The following ATP7B variants were observed in gnomAD, a reference collection of about 807,000 sequenced individuals.
ATP7B encodes the protein ATPase copper transporting beta.
In ATP7B, 113 loss-of-function variants were observed where a neutral mutation model predicts 118.9. The observed-to-expected ratio is 0.95, with a 90% CI of 0.82 to 1.11. The LOEUF (loss-of-function observed/expected upper bound fraction) is 1.11, where lower values mean the gene tolerates loss of function less well. ATP7B is among the 50% of genes most tolerant of loss of function. The pLI is 0.00. For missense variants in ATP7B, 1,867 were observed against 1,871.4 expected, an observed-to-expected ratio of 1.00 and a Z score of 0.04; for synonymous variants, 777 against 727.4, an observed-to-expected ratio of 1.07 and a Z score of -1.10.
chr13:52,011,553 T>A (rs1297650630), upstream of ATP7B: 19 of 643,272 alleles, frequency 3.0e-5, no homozygotes, highest in Non-Finnish European at 5.3e-5. Context: ...TGATTCAAAG[T>A]TGCGCGCCGC....
At chr13:51,972,119 C>G (rs1951871342) in intron 2 of ATP7B, among the ~76,000 whole-genome samples, 2 of 152,160 alleles carry the variant, frequency 1.3e-5, no homozygotes. Flanking sequence ...TCCTTATCTT[C>G]AGCATTTCTC....
Position 51,942,371 on chromosome 13 carries a change from A to T in ATP7B, c.3412+15T>A, listed in dbSNP as rs565888819. 1.2e-6 allele frequency: 2 copies of T among 1,613,880 alleles called. No individual in the cohort carries two copies. Among genetic ancestry groups the T allele is most frequent in the Non-Finnish European group, 1.7e-6 (2 of 1,180,026 alleles). ...TCTACTTTTAACCAGCTGCAGAGAC[A>T]AAAGCCAGCAATACCTTTTTCTGCG... On this transcript the variant is annotated intron_variant, in intron 15 of 20. Transcript: ENST00000242839.
chr13:51,941,494 C>T (rs965810455), intron 15 of ATP7B, among the ~76,000 whole-genome samples: 3 of 152,224 alleles, frequency 2.0e-5, no homozygotes, highest in Non-Finnish European at 4.4e-5. Flanking sequence ...AGGCAATGTC[C>T]GTCTTTGTCT....
chr13:51,995,429 C>T (rs1953156733), intron 1 of ATP7B: 2 of 772,002 alleles, frequency 2.6e-6, no homozygotes, highest in South Asian at 5.9e-5. Flanking sequence ...ATGCCTAACC[C>T]CAGGGCTCTT....
intron 5 of ATP7B, among the ~76,000 whole-genome samples, chr13:51,962,776 G>A (rs1958833847): frequency 1.3e-5 from 2 of 152,158 alleles, no homozygotes; most frequent in South Asian, 4.1e-4. Flanking sequence ...GGGTAGCATA[G>A]AAGCAAGTGA....
chr13:51,965,382 G>C (rs760696361), intron 4 of ATP7B, among the ~76,000 whole-genome samples: 10 of 152,166 alleles, frequency 6.6e-5, no homozygotes, highest in African/African-American at 2.4e-4. Flanking sequence ...ACTAATGCCT[G>C]TACGGGGTTG....
chr13:51,935,098 G>C, intron 20 of ATP7B, 69 bp from the exon 21 acceptor site: 1 of 1,574,662 alleles, frequency 6.4e-7, no homozygotes, highest in Non-Finnish European at 8.6e-7. Flanking sequence ...TCTAAGCCTG[G>C]TGAAGGCCTC....
intron 1 of ATP7B, among the ~76,000 whole-genome samples, chr13:51,979,569 T>C (rs1218649916): frequency 1.3e-5 from 2 of 152,152 alleles, no homozygotes; most frequent in Non-Finnish European, 2.9e-5. Flanking sequence ...CTTCTTTAAT[T>C]AAAAAAGAAC....
chr13:51,997,093 C>G (rs1039681839), intron 1 of ATP7B, among the ~76,000 whole-genome samples: 1 of 152,212 alleles, frequency 6.6e-6, no homozygotes, highest in Admixed American at 6.5e-5. Context: ...TGATTGCTTT[C>G]TAGTGATTCT....
At chr13:51,975,635 A>C in intron 1 of ATP7B, 1 of 478,652 alleles carries the variant, frequency 2.1e-6, no homozygotes, top group Admixed American at 2.2e-5. Context: ...AAACCCCAGA[A>C]TAGTCAACAC....
intron 15 of ATP7B, 128 bp from the exon 16 acceptor site, chr13:51,941,352 C>A: frequency 1.8e-6 from 2 of 1,092,086 alleles, no homozygotes; most frequent in South Asian, 1.4e-5. Context: ...GTAAGCACCT[C>A]TTGTGACAGC....
intron 5 of ATP7B, among the ~76,000 whole-genome samples, chr13:51,963,083 AC>A (rs1434550204): frequency 6.6e-6 from 1 of 151,606 alleles, no homozygotes; most frequent in African/African-American, 2.4e-5. Flanking sequence ...CAAGAGCAAA[AC>A]ACCAACTCAA....
At chr13:51,948,140 G>C (rs4943047) in intron 12 of ATP7B, among the ~76,000 whole-genome samples, 2,516 of 152,342 alleles carry the variant, frequency 0.017, 74 homozygotes, top group Admixed American at 0.085. Context: ...TTCAATTTAA[G>C]ATGGGAAATT....
At chr13:51,945,600 T>A (rs1220551890) in intron 13 of ATP7B, among the ~76,000 whole-genome samples, 5 of 152,180 alleles carry the variant, frequency 3.3e-5, no homozygotes, top group East Asian at 3.9e-4. Flanking sequence ...TGTTCAAGTG[T>A]CCCCAGGACG....
At position 51,950,379 on chromosome 13, in the gene ATP7B, T is replaced by C. The variant is rs757089599; in HGVS notation, c.2468A>G (p.Glu823Gly). The C allele has an allele frequency of 1.9e-6, 3 of 1,613,960 alleles. No homozygotes were observed. In the East Asian group the frequency reaches 6.7e-5, roughly 36 times the overall value. The change falls in exon 10 of 21, where the codon GAG becomes GGG. Residue 823 changes from glutamate (E) to glycine (G), a missense_variant. Coordinates refer to ENST00000242839, the MANE Select transcript of ATP7B (RefSeq NM_000053.4). Reference protein sequence around the residue: ...LIIREEQVPMELVQRGDIVKV... With the variant: ...LIIREEQVPMGLVQRGDIVKV... ...GACGATATCGCCCCGCTGCACCAGC[T>C]CCATGGGGACTTGCTCCTCCCTGCA... is the stretch of plus-strand genomic sequence containing the variant.
Position 51,933,447 on chromosome 13 carries a change from G to T in ATP7B, c.*1309C>A, listed in dbSNP as rs1956800895. 6.6e-6 allele frequency: 1 copy of T among 152,228 alleles called. No homozygotes were observed. Among genetic ancestry groups the T allele is most frequent in the South Asian group, 2.1e-4 (1 of 4,836 alleles). The allele number at this position is 152,228 out of a possible 1,614,324, so 9.4% of individuals were successfully genotyped here. On this transcript the variant is annotated 3_prime_UTR_variant, in exon 21 of 21. Coordinates refer to ENST00000242839, the MANE Select transcript of ATP7B (RefSeq NM_000053.4). The stretch of plus-strand genomic sequence containing the variant: ...TGAAAAAAATCACTAAAACTATTTT[G>T]TGTGGGAGAAAAGGGTTTCACCCAG...
chr13:52,011,408 A>G lies in ATP7B; in HGVS notation c.-71T>C, dbSNP rs1034102637. 3 of 1,608,354 alleles carry G rather than the reference A, an allele frequency of 1.9e-6. No individual in the cohort carries two copies. In the South Asian group the frequency reaches 3.3e-5, roughly 18 times the overall value. On this transcript the variant is annotated 5_prime_UTR_variant, in exon 1 of 21. Coordinates refer to ENST00000242839, the MANE Select transcript of ATP7B (RefSeq NM_000053.4). ...AAAGGTCACCTGGTCGGTGGAGGAG[A>G]GCGGGGTGTTAAAGTCCCGGGAGAG...
chr13:51,952,726 T>C (rs952370023), intron 9 of ATP7B, among the ~76,000 whole-genome samples: 3 of 152,228 alleles, frequency 2.0e-5, no homozygotes, highest in Admixed American at 6.5e-5. Flanking sequence ...TTTGTAAAAA[T>C]TGTTCAGGAA....
At chr13:51,954,327 C>G (rs1429495414) in intron 9 of ATP7B, among the ~76,000 whole-genome samples, 1 of 152,190 alleles carries the variant, frequency 6.6e-6, no homozygotes, top group Non-Finnish European at 1.5e-5. Context: ...CTCACTGCCA[C>G]GTTAGGAAGG....
Sources: gnomAD v4.1 joint callset for allele counts (sites outside exome capture counted in the v4.1 genomes callset) on GRCh38, gnomAD v4.1.1 for gene constraint, MANE v1.5 for transcripts, NCBI Gene and HGNC (gene_info 2026-07-23, HGNC 2026-07-21) for gene names.